The following RBM45 variants were observed in gnomAD, a reference collection of about 807,000 sequenced individuals.
RBM45 encodes the protein RNA-binding protein 45.
RBM45 carries 39 observed loss-of-function variants against 58.5 expected under a neutral mutation model. The ratio of observed to expected loss-of-function variants is 0.67; its 90% CI spans 0.52 to 0.87. RBM45 has a LOEUF of 0.87. Among genes scored for constraint, RBM45 ranks in the 40% least tolerant of loss-of-function variants. The pLI, the probability that RBM45 is intolerant of heterozygous loss-of-function variation, is 0.00. For synonymous variants in RBM45, 193 were observed against 203.0 expected, an observed-to-expected ratio of 0.95 and a Z score of 0.42; for missense variants, 481 against 581.6, an observed-to-expected ratio of 0.83 and a Z score of 1.78.
At chr2:178,121,403 TACACACAC>T (rs55710214) in intron 5 of RBM45, 44 bp downstream of exon 5, 27,688 of 583,938 alleles carry the variant, frequency 0.047, 1,893 homozygotes, top group Non-Finnish European at 0.052. Flanking sequence ...TATGTATATA[TACACACAC>T]ACACACACAC....
At chr2:178,119,342 G>T (rs1393339612) in intron 3 of RBM45, among the ~76,000 whole-genome samples, 1 of 152,212 alleles carries the variant, frequency 6.6e-6, no homozygotes, top group African/African-American at 2.4e-5. Flanking sequence ...TGTCGAGGAG[G>T]CAGGACAGAA....
At position 178,121,396 on chromosome 2, in the gene RBM45, GTATA is replaced by G. The variant is rs200695432; in HGVS notation, c.853+42_853+45del. 7 of 377,146 alleles carry G rather than the reference GTATA, an allele frequency of 1.9e-5. No individual in the cohort carries two copies. In the East Asian group the frequency reaches 2.1e-4, roughly 11 times the overall value. 23.4% of individuals were successfully genotyped at this position (377,146 alleles called of 1,614,324 possible). A position where few individuals can be genotyped will look rare whatever the true frequency, so the allele number is the denominator to read the frequency against. On this transcript the variant is annotated intron_variant, in intron 5 of 9. Coordinates refer to ENST00000286070, the MANE Select transcript of RBM45 (RefSeq NM_152945.4). ...TTCACATTAAAAAATATATATATAT[GTATA>G]TATACACACACACACACACACACAC... is the stretch of plus-strand genomic sequence containing the variant.
chr2:178,116,964 G>A (rs1019769227), intron 2 of RBM45, among the ~76,000 whole-genome samples: 4 of 152,060 alleles, frequency 2.6e-5, no homozygotes, highest in Non-Finnish European at 1.5e-5. Context: ...AGAAGAAAAC[G>A]TAAATATAGC....
rs573841885 is a variant in RBM45, at chr2:178,118,992, TATGGCAGCCCTCAC to T, written c.550+814_550+827del. Among the ~76,000 whole-genome samples, 635 of 152,296 alleles carry T rather than the reference TATGGCAGCCCTCAC, an allele frequency of 4.2e-3. 3 individuals carry two copies. Among genetic ancestry groups the T allele is most frequent in the African/African-American group, 0.015 (614 of 41,570 alleles). On this transcript the variant is annotated intron_variant, in intron 3 of 9. Coordinates refer to ENST00000286070, the MANE Select transcript of RBM45 (RefSeq NM_152945.4). Reference sequence around the variant, plus strand: ...TAAGTAGAGGGATACAGATGAAGTATATGGCAGCCCTCACATTTAAGGAATTTATAGCTGTATTG... The same window carrying T: ...TAAGTAGAGGGATACAGATGAAGTATATTTAAGGAATTTATAGCTGTATTG...
chr2:178,120,244 G>A (rs2087830914), intron 3 of RBM45, 43 bp from the exon 4 acceptor site: 1 of 1,610,506 alleles, frequency 6.2e-7, no homozygotes. Context: ...TTGCAGGTAT[G>A]TTAAATTTGC....
At chr2:178,128,792 A>G (rs1012694739) in intron 9 of RBM45, among the ~76,000 whole-genome samples, 3 of 152,090 alleles carry the variant, frequency 2.0e-5, no homozygotes, top group Non-Finnish European at 2.9e-5. Flanking sequence ...CGGATCTCCT[A>G]TTTACAATGG....
chr2:178,114,778 T>A (rs6753754), intron 1 of RBM45, among the ~76,000 whole-genome samples: 3 of 151,738 alleles, frequency 2.0e-5, no homozygotes, highest in Admixed American at 6.6e-5. Context: ...TTTATTTTTC[T>A]TAGAGACAGG....
intron 2 of RBM45, among the ~76,000 whole-genome samples, chr2:178,117,686 A>G (rs1004108666): frequency 9.9e-5 from 15 of 152,232 alleles, no homozygotes; most frequent in Admixed American, 8.5e-4. Context: ...TCTTTAATAA[A>G]GAGGTAGGCA....
At position 178,112,460 on chromosome 2, in the gene RBM45, C is replaced by G. The variant is rs777285339; in HGVS notation, c.-87C>G. 7.7e-7 allele frequency: 1 copy of G among 1,293,522 alleles called. No homozygotes were observed. The highest frequency in any genetic ancestry group is 2.3e-5 in the East Asian group (1 of 42,920). 80.1% of individuals were successfully genotyped at this position (1,293,522 alleles called of 1,614,324 possible). A position where few individuals can be genotyped will look rare whatever the true frequency, so the allele number is the denominator to read the frequency against. ...TTCTCCCGGAAGCGGAGCACCGAGC[C>G]GGCAAAGGCTTGGGTGTGAGACAGC... On this transcript the variant is annotated 5_prime_UTR_variant, in exon 1 of 10. Transcript: ENST00000286070.
chr2:178,115,084 T>C (rs1488102472), intron 1 of RBM45, among the ~76,000 whole-genome samples: 3 of 152,354 alleles, frequency 2.0e-5, no homozygotes, highest in African/African-American at 7.2e-5. Flanking sequence ...AAGTAAAAGT[T>C]ATTCTGTGAC....
At chr2:178,118,312 T>G (rs1574409320) in intron 3 of RBM45, 131 bp downstream of exon 3, 2 of 885,278 alleles carry the variant, frequency 2.3e-6, no homozygotes, top group East Asian at 5.4e-5. Context: ...TATTTAAATA[T>G]TTACAGTCCA....
intron 3 of RBM45, among the ~76,000 whole-genome samples, chr2:178,119,247 G>A (rs148846485): frequency 6.6e-6 from 1 of 152,292 alleles, no homozygotes; most frequent in East Asian, 1.9e-4. Flanking sequence ...ATGTTCATAA[G>A]TGTATGGTAG....
intron 4 of RBM45, 136 bp downstream of exon 4, chr2:178,120,545 C>T (rs1171341263): frequency 2.8e-6 from 2 of 723,872 alleles, no homozygotes; most frequent in Admixed American, 7.3e-5. Flanking sequence ...TTTTTTTATT[C>T]CTAAAATGTG....
chr2:178,138,692 G>T (rs998307442), exon 4 of RBM45: 1 of 151,976 alleles, frequency 6.6e-6, no homozygotes, highest in South Asian at 2.1e-4. Context: ...AAGGCCAGTC[G>T]GTGAGTATTG....
rs753568780 is a variant in RBM45, at chr2:178,123,670, G to A, written c.983+19G>A. 5 of 1,594,866 alleles carry A rather than the reference G, an allele frequency of 3.1e-6. No individual in the cohort carries two copies. Among genetic ancestry groups the A allele is most frequent in the South Asian group, 1.2e-5 (1 of 86,576 alleles). On this transcript the variant is annotated intron_variant, in intron 6 of 9. Transcript: ENST00000286070. Reference sequence around the variant, plus strand: ...CAACAGAGTAAGTACCATTCCAGGAGTGTCTAAAGCCGAGCTTTGAGTGTA... The same window carrying A: ...CAACAGAGTAAGTACCATTCCAGGAATGTCTAAAGCCGAGCTTTGAGTGTA...
intron 5 of RBM45, among the ~76,000 whole-genome samples, chr2:178,122,441 C>G (rs1476466753): frequency 2.0e-5 from 3 of 152,158 alleles, no homozygotes; most frequent in African/African-American, 7.2e-5. Flanking sequence ...CTCACTAGTA[C>G]CCAACCCAGC....
exon 4 of RBM45, chr2:178,137,870 GAGA>G (rs1392374084): frequency 1.3e-5 from 2 of 152,178 alleles, no homozygotes; most frequent in East Asian, 1.9e-4. Context: ...TGCAGAATGA[GAGA>G]AGAACAATGT....
chr2:178,133,093 G>A (rs1024001539), downstream of RBM45, among the ~76,000 whole-genome samples: 1 of 152,152 alleles, frequency 6.6e-6, no homozygotes, highest in Non-Finnish European at 1.5e-5. Context: ...GTAAAAGTAA[G>A]GCATCGAGAA....
intron 5 of RBM45, among the ~76,000 whole-genome samples, chr2:178,122,382 A>C (rs1290561504): frequency 6.6e-6 from 1 of 152,070 alleles, no homozygotes; most frequent in Non-Finnish European, 1.5e-5. Context: ...GGTCATGTGG[A>C]CCAACAGGAC....
Sources: gnomAD v4.1 joint callset for allele counts (sites outside exome capture counted in the v4.1 genomes callset) on GRCh38, gnomAD v4.1.1 for gene constraint, MANE v1.5 for transcripts, NCBI Gene and HGNC (gene_info 2026-07-23, HGNC 2026-07-21) for gene names.